Variants in FKTN observed in about 807,000 individuals in gnomAD.
The protein encoded by FKTN is fukutin.
FKTN carries 47 observed loss-of-function variants against 58.6 expected under a neutral mutation model. The ratio of observed to expected loss-of-function variants is 0.80; its 90% confidence interval spans 0.63 to 1.02. FKTN has a LOEUF of 1.02. FKTN is among the 50% of genes least tolerant of loss of function. The probability of loss-of-function intolerance (pLI) is 0.00; values close to 1 mark genes in which losing one functional copy is unlikely to be tolerated. For synonymous variants in FKTN, 178 were observed against 191.9 expected (o/e 0.93, Z 0.60); for missense variants, 516 against 537.3 (o/e 0.96, Z 0.39).
At chr9:105,561,507 C>T (rs186904015) in intron 1 of FKTN, among the ~76,000 whole-genome samples, 1 of 152,274 alleles carries the variant, frequency 6.6e-6, no homozygotes, top group Non-Finnish European at 1.5e-5. Flanking sequence ...ACAATCCTTG[C>T]TGTCTTCACC....
intron 1 of FKTN, among the ~76,000 whole-genome samples, chr9:105,568,490 A>G (rs1265690981): frequency 6.6e-6 from 1 of 152,254 alleles, no homozygotes; most frequent in African/African-American, 2.4e-5. Flanking sequence ...ATATGAACAG[A>G]CACTTCTCAA....
At chr9:105,632,602 A>G (rs1337383082) in intron 10 of FKTN, among the ~76,000 whole-genome samples, 1 of 152,014 alleles carries the variant, frequency 6.6e-6, no homozygotes, top group Non-Finnish European at 1.5e-5. Flanking sequence ...GCTTAAACTG[A>G]TTGTAATTAA....
rs758166890 is a variant in FKTN at position 105,604,360 on chromosome 9, A to G, written c.515A>G (p.His172Arg). The G allele has an allele frequency of 1.2e-6, 2 of 1,614,038 alleles. No individual in the cohort carries two copies. The highest frequency in any genetic ancestry group is 2.2e-5 in the East Asian group (1 of 44,882). ...YICKLATHAI[H>R]LVVFHERSGN... The stretch of plus-strand genomic sequence containing the variant: ...TGCAAACTGGCCACTCATGCGATCC[A>G]CTTGGTAGTCTTTCATGAGAGGAGT... The change falls in exon 6 of 11, where the codon CAC (histidine) becomes CGC (arginine). Residue 172 changes from histidine (H) to arginine (R), a missense_variant. Coordinates refer to ENST00000357998, the MANE Select transcript of FKTN (RefSeq NM_001079802.2).
intron 5 of FKTN, among the ~76,000 whole-genome samples, chr9:105,603,377 T>C (rs1828246629): frequency 6.6e-6 from 1 of 152,220 alleles, no homozygotes; most frequent in African/African-American, 2.4e-5. Flanking sequence ...AAACAAATGA[T>C]GTTGGAAAAT....
At chr9:105,618,650 T>G (rs1468863065) in intron 9 of FKTN, among the ~76,000 whole-genome samples, 1 of 152,206 alleles carries the variant, frequency 6.6e-6, no homozygotes, top group African/African-American at 2.4e-5. Context: ...GATAGGTCAT[T>G]GGGGCCTAGA....
chr9:105,626,955 C>T (rs565925671), intron 10 of FKTN, among the ~76,000 whole-genome samples: 54 of 150,136 alleles, frequency 3.6e-4, no homozygotes, highest in Non-Finnish European at 6.2e-4. Context: ...AATATCTTCT[C>T]CCAATTTGTG....
rs2132792099 is a variant in FKTN, at chr9:105,604,251, C to T, written c.406C>T (p.Gln136Ter). The change falls in exon 6 of 11, where the codon CAG (glutamine) becomes TAG (stop). Residue 136 changes from glutamine to a stop codon, truncating the protein, a stop_gained. Transcript: ENST00000357998. LOFTEE classifies it high-confidence loss of function. ...WFRIAENMGF[Q>*]CLKIESKDPR... ...TCGGATAGCTGAGAATATGGGATTTCAGTGCCTAAAGATTGAGAGTAAAGA... is the reference window on the plus strand; with the variant it reads ...TCGGATAGCTGAGAATATGGGATTTTAGTGCCTAAAGATTGAGAGTAAAGA... The T allele has an allele frequency of 1.9e-6, 3 of 1,612,790 alleles. No homozygotes were observed. Among genetic ancestry groups the T allele is most frequent in the Middle Eastern group, 2.0e-4 (1 of 4,992 alleles).
intron 10 of FKTN, among the ~76,000 whole-genome samples, chr9:105,622,435 T>C (rs1411171344): frequency 2.0e-5 from 3 of 151,908 alleles, no homozygotes; most frequent in Non-Finnish European, 2.9e-5. Context: ...GATTTAACAG[T>C]ATATTAAGAG....
In FKTN at chr9:105,616,845, T is replaced by C. The variant is rs190048884; in HGVS notation, c.911-1114T>C. On this transcript the variant is annotated intron_variant, in intron 8 of 10. Transcript: ENST00000357998. ...AGCCTTTGTTGAAAATTTACATGGT[T>C]CTTCCTGCCAAGGAGCTTACTACTA... is the stretch of plus-strand genomic sequence containing the variant. Among the ~76,000 whole-genome samples, 293 of 151,582 alleles carry C rather than the reference T, an allele frequency of 1.9e-3. 1 individual carries two copies. Among genetic ancestry groups the C allele is most frequent in the Non-Finnish European group, 2.8e-3 (189 of 67,864 alleles).
chr9:105,593,519 G>T (rs1052257140), intron 3 of FKTN, among the ~76,000 whole-genome samples: 42 of 152,160 alleles, frequency 2.8e-4, no homozygotes, highest in African/African-American at 1.0e-3. Context: ...AGTGGGTTGG[G>T]AGTACAAATG....
At chr9:105,605,076 C>G (rs1480023498) in intron 6 of FKTN, among the ~76,000 whole-genome samples, 1 of 151,898 alleles carries the variant, frequency 6.6e-6, no homozygotes, top group Admixed American at 6.6e-5. Flanking sequence ...ATGAATCCTA[C>G]AATGCTGAAT....
intron 7 of FKTN, among the ~76,000 whole-genome samples, chr9:105,608,274 A>G (rs191038207): frequency 1.3e-3 from 191 of 152,370 alleles, no homozygotes; most frequent in African/African-American, 4.3e-3. Context: ...CAGTCCAAGT[A>G]GGATAAAGCC....
intron 7 of FKTN, 104 bp downstream of exon 7, chr9:105,608,055 T>C (rs907124152): frequency 6.5e-6 from 6 of 924,396 alleles, no homozygotes; most frequent in African/African-American, 5.0e-5. Context: ...AATAGAAAAG[T>C]AAACATCCTT....
intron 2 of FKTN, chr9:105,574,302 T>G (rs935581325): frequency 6.6e-6 from 1 of 152,116 alleles, no homozygotes; most frequent in Non-Finnish European, 1.5e-5. Flanking sequence ...GAACTAAATG[T>G]GTTTAACCAA....
At chr9:105,572,808 T>C (rs192127489) in intron 1 of FKTN, among the ~76,000 whole-genome samples, 179 of 152,330 alleles carry the variant, frequency 1.2e-3, no homozygotes, top group African/African-American at 3.9e-3. Flanking sequence ...TCTCTGCCTT[T>C]CTCACATATA....
At chr9:105,620,883 TATCTC>T (rs1564334189) in intron 10 of FKTN, among the ~76,000 whole-genome samples, 1 of 151,878 alleles carries the variant, frequency 6.6e-6, no homozygotes, top group Non-Finnish European at 1.5e-5. Flanking sequence ...CATGTATAAT[TATCTC>T]AATATTAAAC....
intron 10 of FKTN, among the ~76,000 whole-genome samples, chr9:105,631,362 G>A (rs989169689): frequency 6.6e-6 from 1 of 152,100 alleles, no homozygotes; most frequent in Non-Finnish European, 1.5e-5. Context: ...GAAAAAATTG[G>A]TAGTGAGAAT....
intron 1 of FKTN, among the ~76,000 whole-genome samples, chr9:105,567,292 G>C (rs1564195374): frequency 6.6e-6 from 1 of 152,160 alleles, no homozygotes; most frequent in East Asian, 1.9e-4. Flanking sequence ...TGGAGGTTCT[G>C]GCCAGGGCAA....
intron 3 of FKTN, among the ~76,000 whole-genome samples, chr9:105,580,421 T>G (rs368189981): frequency 6.9e-6 from 1 of 145,708 alleles, no homozygotes; most frequent in Non-Finnish European, 1.5e-5. Context: ...CTCCTTCACT[T>G]ATGAAGCTTA....
Sources: gnomAD v4.1 joint callset for allele counts (sites outside exome capture counted in the v4.1 genomes callset) on GRCh38, gnomAD v4.1.1 for gene constraint, MANE v1.5 for transcripts, NCBI Gene and HGNC (gene_info 2026-07-23, HGNC 2026-07-21) for gene names.